The following ERBB4 variants were observed in gnomAD, a reference collection of about 807,000 sequenced individuals.
ERBB4 encodes the protein erb-b2 receptor tyrosine kinase 4.
In ERBB4, 42 loss-of-function variants were observed where a neutral mutation model predicts 158.0. The observed-to-expected ratio is 0.27, with a 90% CI of 0.21 to 0.34. The LOEUF is 0.34. Among genes scored for constraint, ERBB4 ranks in the 10% least tolerant of loss-of-function variants. The pLI, the probability that ERBB4 is intolerant of heterozygous loss-of-function variation, is 1.00. For missense variants in ERBB4, 1,333 were observed against 1,624.1 expected, an observed-to-expected ratio of 0.82 and a Z score of 3.08; for synonymous variants, 583 against 558.7, an observed-to-expected ratio of 1.04 and a Z score of -0.61.
At chr2:212,266,341 T>A (rs1215916466) in intron 1 of ERBB4, among the ~76,000 whole-genome samples, 1 of 152,046 alleles carries the variant, frequency 6.6e-6, no homozygotes, top group Non-Finnish European at 1.5e-5. Context: ...AGAGCTTTTC[T>A]TTTTGAATGG....
chr2:212,187,134 T>C (rs993887055), intron 1 of ERBB4, among the ~76,000 whole-genome samples: 7 of 152,088 alleles, frequency 4.6e-5, no homozygotes, highest in South Asian at 2.1e-4. Flanking sequence ...CAGAGGCATA[T>C]AGACTCAGAT....
intron 2 of ERBB4, among the ~76,000 whole-genome samples, chr2:211,955,320 T>C (rs1229249499): frequency 6.6e-6 from 1 of 152,060 alleles, no homozygotes; most frequent in African/African-American, 2.4e-5. Context: ...ACACCTTTAG[T>C]TCCATTGAGA....
At chr2:212,163,492 G>A (rs1434587135) in intron 1 of ERBB4, among the ~76,000 whole-genome samples, 1 of 151,954 alleles carries the variant, frequency 6.6e-6, no homozygotes, top group Non-Finnish European at 1.5e-5. Flanking sequence ...AAGAATTGAC[G>A]TTTACTTTTA....
At chr2:212,238,234 T>C (rs955982137) in intron 1 of ERBB4, among the ~76,000 whole-genome samples, 1 of 152,206 alleles carries the variant, frequency 6.6e-6, no homozygotes, top group Non-Finnish European at 1.5e-5. Context: ...TCTCCTGTTG[T>C]TGGGTTGCGA....
intron 12 of ERBB4, among the ~76,000 whole-genome samples, chr2:211,683,618 A>C (rs1157930960): frequency 1.3e-5 from 2 of 152,168 alleles, no homozygotes; most frequent in South Asian, 2.1e-4. Context: ...GTTTGGAGCT[A>C]CTACAATTAG....
At chr2:212,270,906 C>T (rs1001460551) in intron 1 of ERBB4, among the ~76,000 whole-genome samples, 1 of 151,728 alleles carries the variant, frequency 6.6e-6, no homozygotes, top group Non-Finnish European at 1.5e-5. Flanking sequence ...TAAATGGAAA[C>T]CCTAGACATC....
chr2:211,977,901 G>A (rs1465424908), intron 2 of ERBB4, among the ~76,000 whole-genome samples: 1 of 147,660 alleles, frequency 6.8e-6, no homozygotes, highest in Non-Finnish European at 1.5e-5. Flanking sequence ...CTCAGTTAGA[G>A]GTTATAAGAG....
chr2:212,399,420 ATT>A (rs1217547347), intron 1 of ERBB4, among the ~76,000 whole-genome samples: 1 of 151,488 alleles, frequency 6.6e-6, no homozygotes, highest in African/African-American at 2.4e-5. Context: ...TTACTTTAAC[ATT>A]TGTTTATGAT....
At chr2:212,226,780 AAG>A (rs1430997353) in intron 1 of ERBB4, among the ~76,000 whole-genome samples, 1 of 152,152 alleles carries the variant, frequency 6.6e-6, no homozygotes, top group African/African-American at 2.4e-5. Context: ...GAACACTAAA[AAG>A]TTAATGCAGG....
chr2:212,179,530 G>A (rs1521646), intron 1 of ERBB4, among the ~76,000 whole-genome samples: 2 of 151,168 alleles, frequency 1.3e-5, no homozygotes, highest in African/African-American at 2.4e-5. Flanking sequence ...ATATTAACAC[G>A]GAGTAGAAAA....
At chr2:212,066,313 T>C (rs2077946021) in intron 2 of ERBB4, among the ~76,000 whole-genome samples, 1 of 151,932 alleles carries the variant, frequency 6.6e-6, no homozygotes, top group Non-Finnish European at 1.5e-5. Context: ...CTCAAAAGTC[T>C]TACCTAGGAA....
chr2:212,068,232 A>G (rs2078001796), intron 2 of ERBB4, among the ~76,000 whole-genome samples: 1 of 152,036 alleles, frequency 6.6e-6, no homozygotes, highest in African/African-American at 2.4e-5. Context: ...AAACTCAAAG[A>G]CACAGGTGAT....
chr2:212,203,901 T>C lies in ERBB4; in HGVS notation c.83-78998A>G, dbSNP rs142759661. ...CTTTTTAACTTTGTTTCTAGATAAA[T>C]GACCACTGACAGTCACATACTAAGT... On this transcript the variant is annotated intron_variant, in intron 1 of 27. Transcript: ENST00000342788. Among the ~76,000 whole-genome samples the C allele has an allele frequency of 9.4e-3, 1,436 of 152,324 alleles. 16 individuals are homozygous for C. Among genetic ancestry groups the C allele is most frequent in the African/African-American group, 0.032 (1,322 of 41,574 alleles).
intron 3 of ERBB4, among the ~76,000 whole-genome samples, chr2:211,882,454 T>C (rs554179324): frequency 5.5e-4 from 84 of 152,256 alleles, no homozygotes; most frequent in African/African-American, 1.8e-3. Context: ...GATAGCTCAA[T>C]AGATAAATAT....
chr2:211,905,742 G>A (rs998379967), intron 3 of ERBB4, among the ~76,000 whole-genome samples: 7,510 of 94,950 alleles, frequency 0.079, 549 homozygotes, highest in African/African-American at 0.19. Context: ...GTGCATGTGT[G>A]TGTATATATA....
intron 1 of ERBB4, among the ~76,000 whole-genome samples, chr2:212,475,406 C>A (rs1019718595): frequency 1.3e-5 from 2 of 152,148 alleles, no homozygotes; most frequent in Admixed American, 1.3e-4. Context: ...TCTAATCATG[C>A]CATTAAATTT....
At chr2:212,033,375 C>G (rs1191356231) in intron 2 of ERBB4, among the ~76,000 whole-genome samples, 1 of 151,792 alleles carries the variant, frequency 6.6e-6, no homozygotes, top group Non-Finnish European at 1.5e-5. Flanking sequence ...TGTAATGCAG[C>G]TCAAGGCAAC....
chr2:211,465,498 G>A (rs1381196457), intron 20 of ERBB4, among the ~76,000 whole-genome samples: 1 of 152,116 alleles, frequency 6.6e-6, no homozygotes, highest in African/African-American at 2.4e-5. Context: ...GTATGAAAGA[G>A]AGAAGATAAT....
At chr2:212,316,450 C>A (rs555715720) in intron 1 of ERBB4, among the ~76,000 whole-genome samples, 1 of 151,462 alleles carries the variant, frequency 6.6e-6, no homozygotes, top group East Asian at 2.0e-4. Context: ...GAAGTTCCCC[C>A]TTTTTTCCAT....
Sources: allele counts gnomAD v4.1 joint callset (sites outside exome capture counted in the v4.1 genomes callset), GRCh38; gene constraint gnomAD v4.1.1; transcripts MANE v1.5; gene names NCBI Gene and HGNC (gene_info 2026-07-23, HGNC 2026-07-21).